TP63: variants seen among roughly 807,000 people sequenced by gnomAD.
The protein encoded by TP63 is tumor protein 63.
Under a neutral mutation model 82.8 loss-of-function variants are expected in TP63, and 17 were observed. The observed-to-expected ratio is 0.21, with a 90% confidence interval of 0.14 to 0.31. TP63 has a LOEUF of 0.31. Among genes scored for constraint, TP63 ranks in the 10% least tolerant of loss-of-function variants. The pLI, the probability that TP63 is intolerant of heterozygous loss-of-function variation, is 1.00. For missense variants in TP63, 648 were observed against 895.3 expected (o/e 0.72, Z 3.52); for synonymous variants, 330 against 321.7 (o/e 1.03, Z -0.28).
chr3:189,804,337 A>G (rs888943203), intron 3 of TP63, among the ~76,000 whole-genome samples: 7 of 152,216 alleles, frequency 4.6e-5, no homozygotes, highest in African/African-American at 1.7e-4. Flanking sequence ...TTGACCTGGG[A>G]CAGCTTCATG....
chr3:189,799,825 G>A (rs1395645949), intron 3 of TP63, among the ~76,000 whole-genome samples: 1 of 152,126 alleles, frequency 6.6e-6, no homozygotes, highest in Non-Finnish European at 1.5e-5. Flanking sequence ...TAAATGATCA[G>A]TTGTATTAGA....
At chr3:189,735,873 G>T (rs1192721491) in intron 1 of TP63, among the ~76,000 whole-genome samples, 1 of 151,976 alleles carries the variant, frequency 6.6e-6, no homozygotes, top group African/African-American at 2.4e-5. Context: ...ATTCGAATAA[G>T]TACAATAGAA....
At chr3:189,770,623 A>G (rs1366266933) in intron 3 of TP63, among the ~76,000 whole-genome samples, 2 of 152,170 alleles carry the variant, frequency 1.3e-5, no homozygotes, top group Admixed American at 1.3e-4. Context: ...TTAAGCAGCA[A>G]CAATTTACGC....
intron 4 of TP63, among the ~76,000 whole-genome samples, chr3:189,844,767 A>G (rs570719270): frequency 1.3e-5 from 2 of 152,284 alleles, no homozygotes; most frequent in South Asian, 2.1e-4. Context: ...TCTCAGCGCT[A>G]AGGGTCTTTT....
rs973022927 is a variant in TP63, at chr3:189,895,149, T to C, written c.*647T>C. The C allele has an allele frequency of 2.7e-5, 6 of 221,018 alleles. No individual in the cohort carries two copies. The highest frequency in any genetic ancestry group is 4.5e-5 in the Non-Finnish European group (5 of 110,358). The allele number at this position is 221,018 out of a possible 1,614,324, so 13.7% of individuals were successfully genotyped here. The stretch of plus-strand genomic sequence containing the variant: ...TATTATGTAGGTAAGACTGTAGATA[T>C]GTATTCTTTTCTCAGTGTTGGTATA... On this transcript the variant is annotated 3_prime_UTR_variant, in exon 14 of 14. Coordinates refer to ENST00000264731, the MANE Select transcript of TP63 (RefSeq NM_003722.5).
intron 9 of TP63, 47 bp downstream of exon 9, chr3:189,869,453 T>C (rs778446428): frequency 6.6e-6 from 10 of 1,505,040 alleles, no homozygotes; most frequent in Non-Finnish European, 9.2e-6. Flanking sequence ...TAACCTTCTT[T>C]GAATGGGCTT....
intron 1 of TP63, among the ~76,000 whole-genome samples, chr3:189,673,803 T>A (rs13085052): frequency 6.6e-6 from 1 of 151,932 alleles, no homozygotes; most frequent in Non-Finnish European, 1.5e-5. Flanking sequence ...TTTCTAATTC[T>A]TTGTCATCAT....
At position 189,866,580 on chromosome 3, in the gene TP63, G is replaced by A. The variant is rs1011491921; in HGVS notation, c.767-102G>A. ...GGATGCACATTTTCTTTATTATACA[G>A]ACTATTTCTTTTGCCACCAACATCC... is the stretch of plus-strand genomic sequence containing the variant. On this transcript the variant is annotated intron_variant, in intron 5 of 13. Transcript: ENST00000264731. 2.9e-6 allele frequency: 3 copies of A among 1,027,398 alleles called. No homozygotes were observed. The South Asian group carries it at 4.1e-5, about 14-fold the overall frequency. 63.6% of individuals were successfully genotyped at this position (1,027,398 alleles called of 1,614,324 possible).
At chr3:189,721,738 C>G (rs1249931386) in intron 1 of TP63, among the ~76,000 whole-genome samples, 1 of 152,142 alleles carries the variant, frequency 6.6e-6, no homozygotes, top group Non-Finnish European at 1.5e-5. Flanking sequence ...ATTTGCTTAT[C>G]CTCGCCACTT....
At chr3:189,600,323 T>C in the TP63 span, among the ~76,000 whole-genome samples, 4 of 137,536 alleles carry the variant, frequency 2.9e-5, no homozygotes, top group African/African-American at 1.2e-4. Context: ...GGGCTTTAGG[T>C]TTTTTTATCT....
chr3:189,824,033 C>G (rs536846277), intron 4 of TP63, among the ~76,000 whole-genome samples: 1 of 152,084 alleles, frequency 6.6e-6, no homozygotes, highest in East Asian at 1.9e-4. Context: ...CCTAATAGCC[C>G]CCCAAACCTT....
At chr3:189,723,946 GT>G (rs1719577333) in intron 1 of TP63, among the ~76,000 whole-genome samples, 1 of 151,106 alleles carries the variant, frequency 6.6e-6, no homozygotes, top group Non-Finnish European at 1.5e-5. Context: ...TCTGGGTTGT[GT>G]TATCACACCA....
intron 1 of TP63, among the ~76,000 whole-genome samples, chr3:189,682,547 AAAAAAAATATATATATATATAT>A (rs1468175577): frequency 2.5e-4 from 7 of 27,752 alleles, no homozygotes; most frequent in African/African-American, 6.3e-4. Flanking sequence ...AAAAAAAAAA[AAAAAAAATATATATATATATAT>A]ATATATATAT....
At chr3:189,691,338 C>CAAAAAAAAAAAAAA (rs781098833) in intron 1 of TP63, among the ~76,000 whole-genome samples, 7 of 67,100 alleles carry the variant, frequency 1.0e-4, no homozygotes, top group East Asian at 4.8e-4. Context: ...GACTCCATCT[C>CAAAAAAAAAAAAAA]AAAAAAAAAA....
chr3:189,893,479 C>T (rs1255026472), intron 13 of TP63, among the ~76,000 whole-genome samples: 1 of 152,190 alleles, frequency 6.6e-6, no homozygotes, highest in African/African-American at 2.4e-5. Flanking sequence ...AGTGATATCA[C>T]CACAGTCAGT....
intron 4 of TP63, among the ~76,000 whole-genome samples, chr3:189,863,730 A>G (rs1382360090): frequency 1.6e-5 from 2 of 125,300 alleles, no homozygotes; most frequent in Non-Finnish European, 1.7e-5. Flanking sequence ...TTCACTCTCT[A>G]ACAGATATTC....
chr3:189,889,498 A>C lies in TP63; in HGVS notation c.1652+14A>C, dbSNP rs150685395. 0.014 allele frequency: 22,017 copies of C among 1,614,112 alleles called. 202 individuals are homozygous for C. The highest frequency in any genetic ancestry group is 0.015 in the Non-Finnish European group (18,071 of 1,179,982). On this transcript the variant is annotated intron_variant, in intron 12 of 13. Coordinates refer to ENST00000264731, the MANE Select transcript of TP63 (RefSeq NM_003722.5). The stretch of plus-strand genomic sequence containing the variant: ...CAGCATTGTCAGGTGAGTCCACAGC[A>C]TGTGCCCCTGGGGGCCTGCCCTAAG...
At chr3:189,671,911 G>A (rs1001178542) in intron 1 of TP63, among the ~76,000 whole-genome samples, 1 of 151,888 alleles carries the variant, frequency 6.6e-6, no homozygotes, top group African/African-American at 2.4e-5. Flanking sequence ...GGGAAAGATA[G>A]GAAAAAGCTG....
chr3:189,896,067 A>G lies in TP63; in HGVS notation c.*1565A>G. 4.4e-6 allele frequency: 1 copy of G among 226,340 alleles called. No individual in the cohort carries two copies. The highest frequency in any genetic ancestry group is 8.8e-6 in the Non-Finnish European group (1 of 113,486). 14.0% of individuals were successfully genotyped at this position (226,340 alleles called of 1,614,324 possible). A position where few individuals can be genotyped will look rare whatever the true frequency, so the allele number is the denominator to read the frequency against. On this transcript the variant is annotated 3_prime_UTR_variant, in exon 14 of 14. Coordinates refer to ENST00000264731, the MANE Select transcript of TP63 (RefSeq NM_003722.5). ...TTTGGGAAAACATGTTAATGACAATATTCCAGATCTTTCAGAAATATAACA... is the reference window on the plus strand; with the variant it reads ...TTTGGGAAAACATGTTAATGACAATGTTCCAGATCTTTCAGAAATATAACA...
Sources: gnomAD v4.1 joint callset for allele counts (sites outside exome capture counted in the v4.1 genomes callset) on GRCh38, gnomAD v4.1.1 for gene constraint, MANE v1.5 for transcripts, NCBI Gene and HGNC (gene_info 2026-07-23, HGNC 2026-07-21) for gene names.